Variants in MPPED2 observed in about 807,000 individuals in gnomAD.
MPPED2 encodes the protein metallophosphoesterase MPPED2.
Under a neutral mutation model 33.0 loss-of-function variants are expected in MPPED2, and 5 were observed. That is an observed-to-expected ratio of 0.15 (90% CI 0.08 to 0.32). The LOEUF (loss-of-function observed/expected upper bound fraction) is 0.32. Ranked by LOEUF, MPPED2 falls within the 10% of genes least tolerant of loss-of-function variation. The pLI is 1.00. For missense variants in MPPED2, 275 were observed against 372.1 expected (o/e 0.74, Z 2.15); for synonymous variants, 136 against 141.9 (o/e 0.96, Z 0.29).
At chr11:30,522,873 C>G (rs185660271) in intron 3 of MPPED2, among the ~76,000 whole-genome samples, 1 of 152,136 alleles carries the variant, frequency 6.6e-6, no homozygotes, top group African/African-American at 2.4e-5. Context: ...CTGCACATAA[C>G]GCCACATTGA....
Position 30,395,296 on chromosome 11 carries a change from G to A in MPPED2, c.767-6340C>T, listed in dbSNP as rs115859711. On this transcript the variant is annotated intron_variant, in intron 6 of 6. Coordinates refer to the MPPED2 transcript ENST00000448418. ...TTAGTTTTTAAAATAGTATATTCCA[G>A]GTCAGTACTATTTTCCCATTTTTGA... 3.6e-3 allele frequency among the ~76,000 whole-genome samples: 550 copies of A among 152,200 alleles called. 5 individuals are homozygous for A. The highest frequency in any genetic ancestry group is 0.013 in the African/African-American group (521 of 41,534).
At chr11:30,443,269 C>A (rs1296067249) in intron 4 of MPPED2, among the ~76,000 whole-genome samples, 1 of 152,200 alleles carries the variant, frequency 6.6e-6, no homozygotes, top group Non-Finnish European at 1.5e-5. Flanking sequence ...GCTTGCTCCA[C>A]GTCAGGCATT....
downstream of MPPED2, among the ~76,000 whole-genome samples, chr11:30,407,541 C>T (rs993515116): frequency 3.3e-5 from 5 of 151,952 alleles, no homozygotes; most frequent in East Asian, 3.9e-4. Context: ...GAAACAATAC[C>T]GCTGCTGCTT....
At chr11:30,490,741 T>G (rs1319997332) in intron 4 of MPPED2, among the ~76,000 whole-genome samples, 1 of 152,234 alleles carries the variant, frequency 6.6e-6, no homozygotes, top group Non-Finnish European at 1.5e-5. Flanking sequence ...AAACTGTAAA[T>G]TAGAAAACAC....
chr11:30,532,875 A>T (rs1372217616), intron 3 of MPPED2, among the ~76,000 whole-genome samples: 1 of 152,200 alleles, frequency 6.6e-6, no homozygotes, highest in Non-Finnish European at 1.5e-5. Context: ...TTAACCAGGG[A>T]TCATCATCTC....
chr11:30,417,675 C>T (rs1227436270), intron 4 of MPPED2, 42 bp from the exon 5 acceptor site: 1 of 1,114,772 alleles, frequency 9.0e-7, no homozygotes, highest in South Asian at 1.3e-5. Flanking sequence ...CCAGCAGAGC[C>T]ACGGCTCCGC....
chr11:30,570,925 T>C (rs1300645120), intron 2 of MPPED2, among the ~76,000 whole-genome samples: 1 of 152,120 alleles, frequency 6.6e-6, no homozygotes, highest in Non-Finnish European at 1.5e-5. Context: ...CCAAGAATTA[T>C]CAAATCTTTG....
intron 4 of MPPED2, among the ~76,000 whole-genome samples, chr11:30,479,802 C>T (rs757000246): frequency 6.6e-6 from 1 of 151,910 alleles, no homozygotes; most frequent in Non-Finnish European, 1.5e-5. Flanking sequence ...AAAGCTATGC[C>T]TTATAAAAGT....
At chr11:30,583,407 T>C (rs1411920649) in intron 1 of MPPED2, among the ~76,000 whole-genome samples, 1 of 152,174 alleles carries the variant, frequency 6.6e-6, no homozygotes, top group African/African-American at 2.4e-5. Context: ...ATTTTCATTT[T>C]ATACTTCAAC....
exon 7 of MPPED2, chr11:30,387,226 T>A (rs1011494396): frequency 6.5e-6 from 1 of 154,446 alleles, no homozygotes; most frequent in African/African-American, 2.4e-5. Flanking sequence ...AACATCCCCA[T>A]GGCTGAAATG....
At chr11:30,482,554 T>A (rs1951535801) in intron 4 of MPPED2, among the ~76,000 whole-genome samples, 1 of 152,190 alleles carries the variant, frequency 6.6e-6, no homozygotes, top group African/African-American at 2.4e-5. Context: ...TTTCTATATT[T>A]AACTATTTCC....
rs1957466921 is a variant in MPPED2 at position 30,586,246 on chromosome 11, CG to C, written c.-327del. ...CAGGGGGCGCGGCGCTAGAGGGAGG[CG>C]GGGGGAGAAAGGACCCGAGCAGCCT... On this transcript the variant is annotated 5_prime_UTR_variant, in exon 1 of 7. Coordinates refer to ENST00000358117, the MANE Select transcript of MPPED2 (RefSeq NM_001584.3). This position sits in a 1 kb window ranked among gnomAD's most constrained non-coding sequence, Gnocchi z 4.8. The C allele has an allele frequency of 6.6e-6, 1 of 152,512 alleles. No individual in the cohort carries two copies. The allele number at this position is 152,512 out of a possible 1,614,324, so 9.4% of individuals were successfully genotyped here. A position where few individuals can be genotyped will look rare whatever the true frequency, so the allele number is the denominator to read the frequency against.
chr11:30,496,880 T>A (rs1252276924), intron 3 of MPPED2, among the ~76,000 whole-genome samples: 2 of 98,114 alleles, frequency 2.0e-5, no homozygotes, highest in Non-Finnish European at 4.6e-5. Flanking sequence ...ATGTTTTGTA[T>A]ATTACTGCCT....
intron 2 of MPPED2, among the ~76,000 whole-genome samples, chr11:30,559,800 G>T (rs967497404): frequency 9.2e-5 from 14 of 152,004 alleles, no homozygotes; most frequent in Admixed American, 8.5e-4. Flanking sequence ...CACTGTGTTG[G>T]TATATCATTA....
intron 1 of MPPED2, among the ~76,000 whole-genome samples, chr11:30,585,325 G>A (rs1347106471): frequency 2.6e-5 from 4 of 152,074 alleles, no homozygotes; most frequent in Non-Finnish European, 4.4e-5. Flanking sequence ...CAGCGGCGGA[G>A]AGTGAGGTTG....
At chr11:30,448,264 T>C (rs1949901282) in intron 4 of MPPED2, among the ~76,000 whole-genome samples, 1 of 152,212 alleles carries the variant, frequency 6.6e-6, no homozygotes, top group Non-Finnish European at 1.5e-5. Flanking sequence ...GCAACATCCC[T>C]GTTGTGGGGA....
At chr11:30,557,512 T>C (rs1448939627) in intron 2 of MPPED2, among the ~76,000 whole-genome samples, 1 of 152,204 alleles carries the variant, frequency 6.6e-6, no homozygotes, top group Non-Finnish European at 1.5e-5. Context: ...TTCATGTTTA[T>C]TTACAAATAT....
rs1948058670 is a variant in MPPED2 at position 30,410,351 on chromosome 11, C to T, written c.*1117G>A. The T allele has an allele frequency of 7.1e-6, 7 of 985,740 alleles. No individual in the cohort carries two copies. The highest frequency in any genetic ancestry group is 4.7e-5 in the South Asian group (1 of 21,282). The allele number at this position is 985,740 out of a possible 1,614,324, so 61.1% of individuals were successfully genotyped here. On this transcript the variant is annotated 3_prime_UTR_variant, in exon 7 of 7. Transcript: ENST00000358117. ...TAACATAAAATAGAATAAAGCTCAA[C>T]AGCATTTACAATGGGAAAACAGAAA...
intron 4 of MPPED2, among the ~76,000 whole-genome samples, chr11:30,474,632 T>C (rs1031376174): frequency 2.0e-5 from 3 of 152,136 alleles, no homozygotes; most frequent in Admixed American, 2.0e-4. Context: ...TGACTGAATG[T>C]AAAGCTCAAA....
Sources: gnomAD v4.1 joint callset for allele counts (sites outside exome capture counted in the v4.1 genomes callset) on GRCh38, gnomAD v4.1.1 for gene constraint, Gnocchi (gnomAD v3.1) non-coding constraint, MANE v1.5 for transcripts, NCBI Gene and HGNC (gene_info 2026-07-23, HGNC 2026-07-21) for gene names.